The following STRA6 variants were observed in gnomAD, a reference collection of about 807,000 sequenced individuals.
STRA6 encodes the protein receptor for retinol uptake STRA6.
Under a neutral mutation model 83.6 loss-of-function variants are expected in STRA6, and 48 were observed. The observed-to-expected ratio is 0.57, with a 90% CI of 0.46 to 0.73. The LOEUF is 0.73. Among genes scored for constraint, STRA6 ranks in the 30% least tolerant of loss-of-function variants. The pLI is 0.00. For synonymous variants in STRA6, 353 were observed against 362.3 expected (o/e 0.97, Z 0.29); for missense variants, 760 against 838.8 (o/e 0.91, Z 1.16).
chr15:74,191,625 T>C, intron 8 of STRA6, 134 bp from the exon 9 acceptor site: 1 of 775,448 alleles, frequency 1.3e-6, no homozygotes, highest in South Asian at 1.4e-5. Context: ...TGGTGGTGAG[T>C]GTGGATGGGG....
rs928998809 is a variant in STRA6, at chr15:74,183,506, A to G, written c.1300+350T>C. The G allele has an allele frequency of 2.6e-6, 3 of 1,161,202 alleles. No homozygotes were observed. The African/African-American group carries it at 4.8e-5, about 19-fold the overall frequency. 71.9% of individuals were successfully genotyped at this position (1,161,202 alleles called of 1,614,324 possible). A position where few individuals can be genotyped will look rare whatever the true frequency, so the allele number is the denominator to read the frequency against. On this transcript the variant is annotated intron_variant, in intron 14 of 18. Coordinates refer to ENST00000395105, the MANE Select transcript of STRA6 (RefSeq NM_022369.4). ...TGATCCACCTGCCTCAGCCTCCCAA[A>G]GTGCTGGGATTACAGGTGTGAGCCA...
intron 3 of STRA6, 150 bp from the exon 4 acceptor site, chr15:74,197,573 C>T (rs2073877065): frequency 9.2e-7 from 1 of 1,083,514 alleles, no homozygotes; most frequent in South Asian, 1.4e-5. Context: ...GGGTGACAGA[C>T]ATCTGGAAGG....
chr15:74,196,115 C>G lies in STRA6; in HGVS notation c.299G>C (p.Arg100Pro). 1 of 1,613,876 alleles carries G rather than the reference C, an allele frequency of 6.2e-7. No individual in the cohort carries two copies. The highest frequency in any genetic ancestry group is 8.5e-7 in the Non-Finnish European group (1 of 1,179,996). The change falls in exon 5 of 19, where the codon CGG becomes CCG. Residue 100 changes from arginine (R) to proline (P), a missense_variant. Coordinates refer to ENST00000395105, the MANE Select transcript of STRA6 (RefSeq NM_022369.4). ...PVDFLAGDRP[R>P]AVPAAVFMVL... is the part of the protein sequence containing the mutation. Reference sequence around the variant, plus strand: ...CATGAAAACAGCAGCAGGCACTGCCCGGGGCCTGTCCCCAGCCAAGAAATC... The same window carrying G: ...CATGAAAACAGCAGCAGGCACTGCCGGGGGCCTGTCCCCAGCCAAGAAATC...
chr15:74,209,535 G>T, upstream of STRA6: 1 of 1,178,908 alleles, frequency 8.5e-7, no homozygotes, highest in Non-Finnish European at 1.2e-6. Flanking sequence ...GGAATTCCAG[G>T]TATGATCTAT....
chr15:74,199,127 C>T (rs764120252), intron 2 of STRA6, among the ~76,000 whole-genome samples: 1 of 152,212 alleles, frequency 6.6e-6, no homozygotes, highest in African/African-American at 2.4e-5. Context: ...TGCCGCCAGT[C>T]CCTGCCTGCA....
intron 8 of STRA6, 128 bp from the exon 9 acceptor site, chr15:74,191,619 G>A (rs1178840235): frequency 5.0e-6 from 4 of 803,324 alleles, no homozygotes; most frequent in Middle Eastern, 4.7e-4. Context: ...TGGCGGTGGT[G>A]GTGAGTGTGG....
At chr15:74,194,657 G>A in intron 7 of STRA6, 1 of 824,330 alleles carries the variant, frequency 1.2e-6, no homozygotes, top group Non-Finnish European at 1.6e-6. Context: ...GCTAGGGACT[G>A]TTTGTCTTGT....
chr15:74,181,037 C>T (rs1334853539), intron 17 of STRA6, 100 bp from the exon 18 acceptor site: 1 of 1,525,446 alleles, frequency 6.6e-7, no homozygotes, highest in Non-Finnish European at 8.9e-7. Flanking sequence ...ACGTGCACTC[C>T]CTGCATCCAA....
chr15:74,200,445 G>A (rs1428373033), intron 2 of STRA6, among the ~76,000 whole-genome samples: 2 of 152,212 alleles, frequency 1.3e-5, no homozygotes, highest in African/African-American at 4.8e-5. Flanking sequence ...TTGAGCCATT[G>A]AATGTTCTGG....
chr15:74,208,155 A>G (rs1214130884), intron 1 of STRA6: 3 of 781,316 alleles, frequency 3.8e-6, no homozygotes, highest in Non-Finnish European at 3.3e-6. Flanking sequence ...TTTCCCTCCC[A>G]GAGGGCTAGG....
In STRA6 at chr15:74,182,340, CA is replaced by C; in HGVS notation, c.1418+2del. 6.2e-7 allele frequency: 1 copy of C among 1,614,122 alleles called. No individual in the cohort carries two copies. Among genetic ancestry groups the C allele is most frequent in the Non-Finnish European group, 8.5e-7 (1 of 1,179,992 alleles). On this transcript the variant is annotated splice_donor_variant, in intron 15 of 18. Transcript: ENST00000395105. LOFTEE classifies it high-confidence loss of function. ...TGAGCCCTCCATGTCTTGTTTCACT[CA>C]CCACGAGGACTCCAGGGAACGGAAG... is the stretch of plus-strand genomic sequence containing the variant.
At position 74,195,091 on chromosome 15, in the gene STRA6, C is replaced by T. The variant is rs2073745135; in HGVS notation, c.597+211G>A. On this transcript the variant is annotated intron_variant, in intron 7 of 18. Coordinates refer to ENST00000395105, the MANE Select transcript of STRA6 (RefSeq NM_022369.4). ...TCCGCCACCTCCTAGACTTAAAGTTCCTGAGGGCTGGGCCCAGCCACCTTG... is the reference window on the plus strand; with the variant it reads ...TCCGCCACCTCCTAGACTTAAAGTTTCTGAGGGCTGGGCCCAGCCACCTTG... 20 of 1,463,904 alleles carry T rather than the reference C, an allele frequency of 1.4e-5. 1 individual carries two copies. The South Asian group carries it at 2.6e-4, about 19-fold the overall frequency. 90.7% of individuals were successfully genotyped at this position (1,463,904 alleles called of 1,614,324 possible). A position where few individuals can be genotyped will look rare whatever the true frequency, so the allele number is the denominator to read the frequency against.
rs777073915 is a variant in STRA6 at position 74,191,498 on chromosome 15, A to C, written c.721-7T>G. ...AGTAGCTGCTCTGCAGCCCCTGTGG[A>C]GACAGACAATTGAACAAGCAGATGA... On this transcript the variant is annotated splice_region_variant and splice_polypyrimidine_tract_variant and intron_variant, in intron 8 of 18. Coordinates refer to ENST00000395105, the MANE Select transcript of STRA6 (RefSeq NM_022369.4). 6.2e-7 allele frequency: 1 copy of C among 1,613,780 alleles called. No individual in the cohort carries two copies. Among genetic ancestry groups the C allele is most frequent in the South Asian group, 1.1e-5 (1 of 91,082 alleles).
At chr15:74,196,363 T>A (rs2073823654) in intron 4 of STRA6, 1 of 708,974 alleles carries the variant, frequency 1.4e-6, no homozygotes, top group Non-Finnish European at 2.3e-6. Context: ...GGGACACACA[T>A]ACAGTGGGAA....
chr15:74,194,073 C>A, intron 7 of STRA6, 151 bp from the exon 8 acceptor site: 1 of 1,315,444 alleles, frequency 7.6e-7, no homozygotes, highest in Non-Finnish European at 1.1e-6. Context: ...CAACCTGCCA[C>A]CCAGCGCAAA....
At chr15:74,202,347 A>G in intron 1 of STRA6, 65 bp from the exon 2 acceptor site, 2 of 1,570,090 alleles carry the variant, frequency 1.3e-6, no homozygotes, top group Non-Finnish European at 1.7e-6. Flanking sequence ...AAAAGAGAAA[A>G]AAAAAGAAAG....
chr15:74,193,100 T>C (rs1409896147), intron 8 of STRA6, among the ~76,000 whole-genome samples: 1 of 152,230 alleles, frequency 6.6e-6, no homozygotes, highest in African/African-American at 2.4e-5. Flanking sequence ...CTTCCTTCCA[T>C]ACATCTTTCC....
In STRA6 at chr15:74,190,821, T is replaced by C. The variant is rs1462628945; in HGVS notation, c.927+19A>G. On this transcript the variant is annotated intron_variant, in intron 11 of 18. Transcript: ENST00000395105. ...GCAGGGCTCCAGAGGCAGATGGCAG[T>C]ACAGGGTGAGGGACATACCTGGTAA... is the stretch of plus-strand genomic sequence containing the variant. The C allele has an allele frequency of 6.2e-7, 1 of 1,614,014 alleles. No homozygotes were observed. The highest frequency in any genetic ancestry group is 1.1e-5 in the South Asian group (1 of 91,076).
rs1289271430 is a variant in STRA6, at chr15:74,191,221, AG to A, written c.810del (p.Phe271SerfsTer9). 6.2e-7 allele frequency: 1 copy of A among 1,613,968 alleles called. No homozygotes were observed. Among genetic ancestry groups the A allele is most frequent in the South Asian group, 1.1e-5 (1 of 91,062 alleles). On this transcript the variant is annotated frameshift_variant, in exon 10 of 19. Coordinates refer to ENST00000395105, the MANE Select transcript of STRA6 (RefSeq NM_022369.4). LOFTEE classifies it high-confidence loss of function. ...AAGCAGACGCGGGCCCAGGACAGGA[AG>A]CCATGCTTGGAGGTGTGGTAGCTGC... ...LGSSYHTSKH[G>X]FLSWARVCLR...
Sources: gnomAD v4.1 joint callset for allele counts (sites outside exome capture counted in the v4.1 genomes callset) on GRCh38, gnomAD v4.1.1 for gene constraint, MANE v1.5 for transcripts, NCBI Gene and HGNC (gene_info 2026-07-23, HGNC 2026-07-21) for gene names.